Variants in ALLC observed in about 807,000 individuals in gnomAD.
The protein encoded by ALLC is probable inactive allantoicase.
Under a neutral mutation model 45.0 loss-of-function variants are expected in ALLC, and 40 were observed. The ratio of observed to expected loss-of-function variants is 0.89; its 90% CI spans 0.69 to 1.16. The LOEUF is 1.16. ALLC is among the 50% of genes most tolerant of loss of function. The pLI is 0.00. For missense variants in ALLC, 488 were observed against 493.1 expected, an observed-to-expected ratio of 0.99 and a Z score of 0.10; for synonymous variants, 176 against 178.1, an observed-to-expected ratio of 0.99 and a Z score of 0.09.
At chr2:3,663,421 G>T (rs533235023) in intron 1 of ALLC, among the ~76,000 whole-genome samples, 17 of 152,274 alleles carry the variant, frequency 1.1e-4, no homozygotes, top group Middle Eastern at 6.8e-3. Context: ...GGGCCTGTCG[G>T]AAGTCGGGAG....
rs577622182 is a variant in ALLC at position 3,673,806 on chromosome 2, T to C, written c.34-269T>C. Among the ~76,000 whole-genome samples, 5 of 152,292 alleles carry C rather than the reference T, an allele frequency of 3.3e-5. No homozygotes were observed. In the East Asian group the frequency reaches 9.6e-4, roughly 29 times the overall value. ...ATGAAAAAAAGAAAGTTGGTTTATT[T>C]GCTTCTTGAGTGTAAGATGTTAGTG... On this transcript the variant is annotated intron_variant, in intron 2 of 11. Transcript: ENST00000252505.
chr2:3,664,363 G>A (rs1666643474), intron 1 of ALLC, among the ~76,000 whole-genome samples: 1 of 152,176 alleles, frequency 6.6e-6, no homozygotes, highest in Non-Finnish European at 1.5e-5. Context: ...AAACACATTT[G>A]AGTAGCAGGG....
At position 3,695,788 on chromosome 2, in the gene ALLC, C is replaced by T; in HGVS notation, c.583C>T (p.Pro195Ser). 1 of 1,614,022 alleles carries T rather than the reference C, an allele frequency of 6.2e-7. No homozygotes were observed. The highest frequency in any genetic ancestry group is 1.1e-5 in the South Asian group (1 of 91,076). The part of the protein sequence containing the change: ...KDWTATDPKE[P>S]ADLVAIAFGG... ...CTGGACTGCAACTGACCCCAAAGAA[C>T]CTGCAGACCTAGTGGCCATCGCTTT... Residue 195 changes from proline to serine, a missense_variant, in exon 8 of 12, where the codon CCT (proline) becomes TCT (serine). Coordinates refer to ENST00000252505, the MANE Select transcript of ALLC (RefSeq NM_018436.4).
chr2:3,668,622 C>G (rs112713565), intron 1 of ALLC, among the ~76,000 whole-genome samples: 11,697 of 126,936 alleles, frequency 0.092, 505 homozygotes, highest in Middle Eastern at 0.13. Flanking sequence ...GTCACCCAGA[C>G]TGGAGTGCAG....
At chr2:3,688,014 A>G (rs535093570) in intron 7 of ALLC, 10 of 153,062 alleles carry the variant, frequency 6.5e-5, no homozygotes, top group South Asian at 5.3e-4. Flanking sequence ...CATGTGGACC[A>G]TGAGGCCTCC....
intron 4 of ALLC, among the ~76,000 whole-genome samples, chr2:3,679,539 A>G (rs1408425782): frequency 6.6e-6 from 1 of 152,210 alleles, no homozygotes; most frequent in Non-Finnish European, 1.5e-5. Flanking sequence ...AGAAAATGAG[A>G]TTCTCTACTG....
chr2:3,653,024 G>C, the ALLC span, among the ~76,000 whole-genome samples: 1 of 152,236 alleles, frequency 6.6e-6, no homozygotes, highest in Non-Finnish European at 1.5e-5. This position sits in a 1 kb window ranked among gnomAD's most constrained non-coding sequence, Gnocchi z 4.1. Context: ...CTGGTGGGGT[G>C]GCTGGTCTCC....
chr2:3,669,397 C>T (rs1666805858), intron 1 of ALLC, among the ~76,000 whole-genome samples: 2 of 152,148 alleles, frequency 1.3e-5, no homozygotes, highest in Admixed American at 1.3e-4. Flanking sequence ...TTGCTTGAAC[C>T]CAGGAGGCGG....
chr2:3,651,272 C>T, the ALLC span, among the ~76,000 whole-genome samples: 2 of 111,574 alleles, frequency 1.8e-5, no homozygotes, highest in Non-Finnish European at 3.6e-5. Context: ...GCGCTCAGGC[C>T]GCCGATGCTT....
chr2:3,650,222 T>A, the ALLC span, among the ~76,000 whole-genome samples: 1 of 152,128 alleles, frequency 6.6e-6, no homozygotes, highest in East Asian at 1.9e-4. Context: ...GAGGGAACAC[T>A]CTCTGGGTTC....
Position 3,702,561 on chromosome 2 carries a change from T to G in ALLC, c.1174T>G (p.Ter392GluextTer17). ...KFSVSFKANP[*>E] ...CTCGGTGAGCTTCAAAGCAAACCCT[T>G]AACACACACAAAGCCCCGGTGTCGG... The change falls in exon 12 of 12, where the codon TAA becomes GAA. Residue 392 changes from the stop codon to glutamate, a stop_lost. Coordinates refer to ENST00000252505, the MANE Select transcript of ALLC (RefSeq NM_018436.4). The G allele has an allele frequency of 6.4e-7, 1 of 1,557,580 alleles. No individual in the cohort carries two copies. Among genetic ancestry groups the G allele is most frequent in the Non-Finnish European group, 8.7e-7 (1 of 1,153,658 alleles).
intron 11 of ALLC, among the ~76,000 whole-genome samples, chr2:3,701,917 C>T (rs552485119): frequency 5.3e-5 from 8 of 152,316 alleles, no homozygotes; most frequent in Non-Finnish European, 8.8e-5. Flanking sequence ...GCGACTAGCA[C>T]ATTTAAAGCT....
chr2:3,668,412 T>A (rs2147995838), intron 1 of ALLC, among the ~76,000 whole-genome samples: 1 of 152,156 alleles, frequency 6.6e-6, no homozygotes, highest in Admixed American at 6.5e-5. Context: ...CTTTTGTTTC[T>A]GAAAGCTTGC....
At chr2:3,688,416 G>T (rs1034108553) in intron 7 of ALLC, 2 of 175,472 alleles carry the variant, frequency 1.1e-5, no homozygotes, top group Admixed American at 1.3e-4. Flanking sequence ...TCCAAGAAGG[G>T]GCACCCATGG....
At chr2:3,665,281 T>G (rs1666675874) in intron 1 of ALLC, among the ~76,000 whole-genome samples, 1 of 152,084 alleles carries the variant, frequency 6.6e-6, no homozygotes, top group African/African-American at 2.4e-5. Context: ...CCTTTTTTTT[T>G]GTTTTTGAAG....
At chr2:3,692,351 A>G (rs1043289535) in intron 7 of ALLC, among the ~76,000 whole-genome samples, 3 of 152,226 alleles carry the variant, frequency 2.0e-5, no homozygotes, top group African/African-American at 7.2e-5. Context: ...CCTAACACTA[A>G]CGATAGCTGA....
chr2:3,662,653 A>T (rs924240854), intron 1 of ALLC, among the ~76,000 whole-genome samples: 4 of 152,220 alleles, frequency 2.6e-5, no homozygotes, highest in African/African-American at 9.7e-5. Context: ...TTATGTGTAT[A>T]TGATGGATGG....
chr2:3,648,197 C>G, the ALLC span, among the ~76,000 whole-genome samples: 1 of 152,176 alleles, frequency 6.6e-6, no homozygotes, highest in Non-Finnish European at 1.5e-5. Flanking sequence ...TTTTCCATTT[C>G]TCCCCCCATT....
chr2:3,651,422 TGTGTGTGTGTGTGTGTGTGTTAGG>T, the ALLC span, among the ~76,000 whole-genome samples: 495 of 56,402 alleles, frequency 8.8e-3, 4 homozygotes, highest in Admixed American at 0.016. Flanking sequence ...TGTGTGTGTG[TGTGTGTGTGTGTGTGTGTGTTAGG>T]AAGGGAGACG....
Sources: allele counts gnomAD v4.1 joint callset (sites outside exome capture counted in the v4.1 genomes callset), GRCh38; gene constraint gnomAD v4.1.1; non-coding constraint Gnocchi (gnomAD v3.1); transcripts MANE v1.5; gene names NCBI Gene and HGNC (gene_info 2026-07-23, HGNC 2026-07-21).